Variants in FMN1 observed in about 807,000 individuals in gnomAD.
FMN1 encodes formin 1.
In FMN1, 110 loss-of-function variants were observed where a neutral mutation model predicts 132.4. That is an observed-to-expected ratio of 0.83 (90% CI 0.71 to 0.97). The LOEUF (loss-of-function observed/expected upper bound fraction) is 0.97. Among genes scored for constraint, FMN1 ranks in the 50% least tolerant of loss-of-function variants. FMN1 has a pLI of 0.00. For missense variants in FMN1, 1,792 were observed against 1,705.3 expected (o/e 1.05, Z -0.90); for synonymous variants, 722 against 651.7 (o/e 1.11, Z -1.64).
chr15:32,804,995 G>C (rs967982037), intron 17 of FMN1, among the ~76,000 whole-genome samples: 1 of 152,142 alleles, frequency 6.6e-6, no homozygotes, highest in Admixed American at 6.5e-5. Context: ...CTTTATAGTA[G>C]CATGATTTAT....
At chr15:33,128,061 G>A (rs752674321) in intron 4 of FMN1, among the ~76,000 whole-genome samples, 10 of 151,988 alleles carry the variant, frequency 6.6e-5, no homozygotes, top group Non-Finnish European at 1.0e-4. Context: ...GTGACAGAAA[G>A]GACAAAAAAG....
intron 4 of FMN1, among the ~76,000 whole-genome samples, chr15:33,117,000 C>T (rs2039953916): frequency 6.6e-6 from 1 of 152,154 alleles, no homozygotes; most frequent in African/African-American, 2.4e-5. Flanking sequence ...TTACCACAAC[C>T]AATTAAGTGT....
intron 16 of FMN1, among the ~76,000 whole-genome samples, chr15:32,883,017 A>C (rs1031445644): frequency 7.9e-5 from 12 of 152,236 alleles, no homozygotes; most frequent in Non-Finnish European, 1.6e-4. Context: ...TTGCATTAAA[A>C]GCTGCTGAAG....
chr15:33,117,096 C>T (rs947969071), intron 4 of FMN1, among the ~76,000 whole-genome samples: 1 of 151,968 alleles, frequency 6.6e-6, no homozygotes, highest in African/African-American at 2.4e-5. Context: ...AGCCTCAGAT[C>T]CAGGTAAATC....
chr15:33,084,987 G>A (rs899574293), intron 5 of FMN1, among the ~76,000 whole-genome samples: 1 of 152,220 alleles, frequency 6.6e-6, no homozygotes, highest in African/African-American at 2.4e-5. Context: ...CTGGAAGCAC[G>A]GCAGTGCTGG....
At chr15:32,829,816 T>C (rs563720115) in intron 17 of FMN1, among the ~76,000 whole-genome samples, 34 of 152,296 alleles carry the variant, frequency 2.2e-4, no homozygotes, top group Non-Finnish European at 4.3e-4. Flanking sequence ...CCATGTTCTA[T>C]ATCTAGATAG....
chr15:33,044,586 A>T (rs765893704), intron 6 of FMN1, among the ~76,000 whole-genome samples: 3 of 152,052 alleles, frequency 2.0e-5, no homozygotes, highest in Non-Finnish European at 2.9e-5. Flanking sequence ...TGCGGAGAGG[A>T]ACTACTCACC....
intron 9 of FMN1, among the ~76,000 whole-genome samples, chr15:32,956,438 C>A (rs542211601): frequency 2.6e-5 from 4 of 151,220 alleles, no homozygotes; most frequent in African/African-American, 9.7e-5. Flanking sequence ...ATAAAATTTA[C>A]AAGGTGGAAT....
chr15:33,059,113 G>C (rs2037366430), intron 6 of FMN1, among the ~76,000 whole-genome samples: 1 of 152,052 alleles, frequency 6.6e-6, no homozygotes, highest in South Asian at 2.1e-4. Context: ...AACTTTATTA[G>C]ATTCCACATA....
At chr15:33,076,663 G>A (rs959267019) in intron 5 of FMN1, among the ~76,000 whole-genome samples, 1 of 152,078 alleles carries the variant, frequency 6.6e-6, no homozygotes, top group Non-Finnish European at 1.5e-5. Context: ...AATTGCATTT[G>A]ACAGATTATT....
chr15:33,074,967 G>A (rs1173544407), intron 5 of FMN1, among the ~76,000 whole-genome samples: 1 of 138,634 alleles, frequency 7.2e-6, no homozygotes, highest in Non-Finnish European at 1.5e-5. Flanking sequence ...GTTGCAGTGA[G>A]CCGAGATGGC....
intron 17 of FMN1, among the ~76,000 whole-genome samples, chr15:32,820,301 T>G (rs1402713084): frequency 2.0e-5 from 3 of 152,166 alleles, no homozygotes; most frequent in Non-Finnish European, 4.4e-5. Flanking sequence ...AACCTGAAAC[T>G]TTGCGTTAAC....
intron 4 of FMN1, among the ~76,000 whole-genome samples, chr15:33,120,032 T>G (rs893568328): frequency 6.6e-6 from 1 of 152,098 alleles, no homozygotes; most frequent in East Asian, 1.9e-4. Context: ...TTTTAACAGG[T>G]GGGGAAACTA....
At chr15:32,970,136 C>G (rs2031656493) in intron 7 of FMN1, among the ~76,000 whole-genome samples, 1 of 152,122 alleles carries the variant, frequency 6.6e-6, no homozygotes, top group Admixed American at 6.5e-5. Flanking sequence ...TTACACAGCA[C>G]TTTAAAGTAT....
At chr15:32,902,692 A>G (rs2141609101) in intron 12 of FMN1, among the ~76,000 whole-genome samples, 1 of 152,364 alleles carries the variant, frequency 6.6e-6, no homozygotes, top group South Asian at 2.1e-4. Context: ...AAATGTGGCA[A>G]GACAGATCTT....
intron 4 of FMN1, among the ~76,000 whole-genome samples, chr15:33,111,389 T>C (rs1232037568): frequency 6.6e-6 from 1 of 152,110 alleles, no homozygotes; most frequent in African/African-American, 2.4e-5. Flanking sequence ...GAGCCTAAAA[T>C]GGTACAGCAG....
intron 9 of FMN1, among the ~76,000 whole-genome samples, chr15:32,953,236 G>A (rs1409671326): frequency 1.3e-5 from 2 of 152,134 alleles, no homozygotes; most frequent in African/African-American, 4.8e-5. Context: ...CTTCTGGCAG[G>A]GGCCTCGCTG....
At chr15:33,043,256 T>C (rs146549768) in intron 6 of FMN1, among the ~76,000 whole-genome samples, 1 of 152,324 alleles carries the variant, frequency 6.6e-6, no homozygotes, top group East Asian at 1.9e-4. Flanking sequence ...CGTTTTCATG[T>C]CTTAAATGTT....
At chr15:33,032,833 T>A (rs1245282399) in intron 6 of FMN1, among the ~76,000 whole-genome samples, 1 of 151,562 alleles carries the variant, frequency 6.6e-6, no homozygotes, top group African/African-American at 2.4e-5. Flanking sequence ...TTACAAGCAG[T>A]GGGACCTGGG....
Sources: allele counts gnomAD v4.1 joint callset (sites outside exome capture counted in the v4.1 genomes callset), GRCh38; gene constraint gnomAD v4.1.1; transcripts MANE v1.5; gene names NCBI Gene and HGNC (gene_info 2026-07-23, HGNC 2026-07-21).